Variants in TMPRSS7 observed in about 807,000 individuals in gnomAD.
The protein encoded by TMPRSS7 is transmembrane protease serine 7.
Under a neutral mutation model 95.6 loss-of-function variants are expected in TMPRSS7, and 81 were observed. The observed-to-expected ratio is 0.85, with a 90% CI of 0.71 to 1.02. The LOEUF (loss-of-function observed/expected upper bound fraction) is 1.02. TMPRSS7 is among the 50% of genes least tolerant of loss of function. The pLI is 0.00. For synonymous variants in TMPRSS7, 364 were observed against 337.8 expected (o/e 1.08, Z -0.85); for missense variants, 945 against 955.2 (o/e 0.99, Z 0.14).
chr3:112,041,100 A>T (rs955140618), intron 2 of TMPRSS7, among the ~76,000 whole-genome samples: 6 of 151,178 alleles, frequency 4.0e-5, no homozygotes, highest in Non-Finnish European at 8.8e-5. Flanking sequence ...AAAATCTAGG[A>T]CGCACTTCCC....
At chr3:112,041,827 A>G in intron 2 of TMPRSS7, 93 bp from the exon 3 acceptor site, 1 of 815,918 alleles carries the variant, frequency 1.2e-6, no homozygotes, top group Non-Finnish European at 2.0e-6. Context: ...AAATAAAATT[A>G]TTTTAGGAGC....
rs550485212 is a variant in TMPRSS7 at position 112,048,433 on chromosome 3, C to G, written c.959+466C>G. Among the ~76,000 whole-genome samples, 8 of 152,270 alleles carry G rather than the reference C, an allele frequency of 5.3e-5. No individual in the cohort carries two copies. The East Asian group carries it at 1.5e-3, about 29-fold the overall frequency. ...TCAATTACTTCACAACCTCATTATT[C>G]AGAGCAAATTTCTGTTATATTTTAG... On this transcript the variant is annotated intron_variant, in intron 7 of 17. Coordinates refer to ENST00000452346, the Ensembl canonical transcript of TMPRSS7.
chr3:112,056,264 T>G (rs1182488460), intron 9 of TMPRSS7, among the ~76,000 whole-genome samples: 1 of 152,130 alleles, frequency 6.6e-6, no homozygotes, highest in East Asian at 1.9e-4. Flanking sequence ...ATTTAAAAAA[T>G]TTAAGGCACT....
intron 12 of TMPRSS7, 148 bp from the exon 13 acceptor site, chr3:112,066,244 C>T: frequency 1.7e-6 from 1 of 600,470 alleles, no homozygotes. Context: ...TACTTTTCCT[C>T]ATGGAAGTGT....
At chr3:112,048,589 A>G (rs2073308669) in intron 7 of TMPRSS7, among the ~76,000 whole-genome samples, 1 of 152,208 alleles carries the variant, frequency 6.6e-6, no homozygotes, top group African/African-American at 2.4e-5. Context: ...AGGCTTCATT[A>G]AGAAATTATT....
chr3:112,052,662 A>T (rs1440904508), intron 9 of TMPRSS7, among the ~76,000 whole-genome samples: 1 of 152,094 alleles, frequency 6.6e-6, no homozygotes, highest in Non-Finnish European at 1.5e-5. Flanking sequence ...GGGAAAGGAA[A>T]CAAATCTCCA....
intron 17 of TMPRSS7, 118 bp downstream of exon 17, chr3:112,078,996 G>A: frequency 4.3e-6 from 5 of 1,173,186 alleles, no homozygotes; most frequent in Non-Finnish European, 5.9e-6. Flanking sequence ...ATTCACTTGA[G>A]CTGCTCAGAT....
At chr3:112,057,910 G>A (rs1447480293) in intron 10 of TMPRSS7, among the ~76,000 whole-genome samples, 2 of 152,014 alleles carry the variant, frequency 1.3e-5, no homozygotes, top group Non-Finnish European at 2.9e-5. Context: ...AGTTTTAGTA[G>A]AGATGGGGTT....
intron 13 of TMPRSS7, among the ~76,000 whole-genome samples, chr3:112,067,829 G>A (rs948062923): frequency 3.9e-5 from 6 of 152,154 alleles, no homozygotes; most frequent in African/African-American, 1.4e-4. Context: ...AAGCTCTTTA[G>A]TTTAATTGGA....
At chr3:112,066,569 C>T in intron 13 of TMPRSS7, 67 bp downstream of exon 13, 1 of 1,440,808 alleles carries the variant, frequency 6.9e-7, no homozygotes, top group Non-Finnish European at 9.7e-7. Context: ...GACAAAAATA[C>T]CTCTGATGGG....
chr3:112,047,723 G>C lies in TMPRSS7; in HGVS notation c.731-16G>C. On this transcript the variant is annotated splice_polypyrimidine_tract_variant and intron_variant, in intron 6 of 17. Coordinates refer to ENST00000452346, the Ensembl canonical transcript of TMPRSS7. ...AAAAAAAAAGAAAATAAAGGAAAAT[G>C]GTGCTGTCTCCACAGACAAAGGCTG... 1.9e-6 allele frequency: 3 copies of C among 1,539,562 alleles called. No homozygotes were observed. Among genetic ancestry groups the C allele is most frequent in the Non-Finnish European group, 2.7e-6 (3 of 1,126,184 alleles).
intron 2 of TMPRSS7, among the ~76,000 whole-genome samples, chr3:112,041,469 T>A (rs143186967): frequency 2.0e-5 from 3 of 152,344 alleles, no homozygotes; most frequent in African/African-American, 7.2e-5. Flanking sequence ...TCTCTCCCCC[T>A]CTACCCACTT....
chr3:112,081,111 T>A (rs781230283), exon 18 of TMPRSS7: 5 of 1,578,100 alleles, frequency 3.2e-6, no homozygotes. Context: ...TTTACTGTGA[T>A]TTATGTTAAA....
At chr3:112,068,774 G>A (rs59362024) in intron 13 of TMPRSS7, among the ~76,000 whole-genome samples, 4,725 of 152,108 alleles carry the variant, frequency 0.031, 185 homozygotes, top group African/African-American at 0.088. Flanking sequence ...GCAAATAGGG[G>A]CAATTTGACT....
chr3:112,081,030 A>G (rs1438101964), exon 18 of TMPRSS7: 2 of 1,613,566 alleles, frequency 1.2e-6, no homozygotes, highest in South Asian at 1.1e-5. Flanking sequence ...GTGTTTACAC[A>G]AGGGTGTCAA....
In TMPRSS7 at chr3:112,075,517, C is replaced by T. The variant is rs556961605; in HGVS notation, c.1955+25C>T. ...GGTAGGGCCTCACGGTCCTTACTTT[C>T]AAGTGGCACTCTGTGGCCATAGACA... On this transcript the variant is annotated intron_variant, in intron 15 of 17. Coordinates refer to ENST00000452346, the Ensembl canonical transcript of TMPRSS7. The T allele has an allele frequency of 4.6e-5, 65 of 1,406,400 alleles. No individual in the cohort carries two copies. The East Asian group carries it at 7.9e-4, about 17-fold the overall frequency. The allele number at this position is 1,406,400 out of a possible 1,614,324, so 87.1% of individuals were successfully genotyped here.
chr3:112,037,332 C>T (rs1184309332), intron 1 of TMPRSS7, among the ~76,000 whole-genome samples: 1 of 152,192 alleles, frequency 6.6e-6, no homozygotes, highest in African/African-American at 2.4e-5. Context: ...CTGCCTTATG[C>T]AGTTGCAGAT....
rs955890445 is a variant in TMPRSS7, at chr3:112,062,269, G to A, written c.1447+346G>A. 3.3e-5 allele frequency among the ~76,000 whole-genome samples: 5 copies of A among 152,156 alleles called. No individual in the cohort carries two copies. In the South Asian group the frequency reaches 8.3e-4, roughly 25 times the overall value. ...AGCCATCATTCTCTGTAAATATGATGTTTACACCAACATGTAGTGGATCCA... is the reference window on the plus strand; with the variant it reads ...AGCCATCATTCTCTGTAAATATGATATTTACACCAACATGTAGTGGATCCA... On this transcript the variant is annotated intron_variant, in intron 11 of 17. Coordinates refer to ENST00000452346, the Ensembl canonical transcript of TMPRSS7.
At chr3:112,072,913 T>C (rs948170448) in intron 13 of TMPRSS7, among the ~76,000 whole-genome samples, 1 of 152,204 alleles carries the variant, frequency 6.6e-6, no homozygotes. Flanking sequence ...AGATTTATAA[T>C]CCTTTGGGTA....
Sources: allele counts gnomAD v4.1 joint callset (sites outside exome capture counted in the v4.1 genomes callset), GRCh38; gene constraint gnomAD v4.1.1; transcripts MANE v1.5; gene names NCBI Gene and HGNC (gene_info 2026-07-23, HGNC 2026-07-21).